ABRAXAS2: variants seen among roughly 807,000 people sequenced by gnomAD.
The protein encoded by ABRAXAS2 is abraxas 2, BRISC complex subunit.
A neutral mutation model predicts 49.0 loss-of-function variants in ABRAXAS2; 23 were observed. The observed-to-expected ratio is 0.47, with a 90% CI of 0.34 to 0.66. The LOEUF (loss-of-function observed/expected upper bound fraction) is 0.66, where lower values mean the gene tolerates loss of function less well. Ranked by LOEUF, ABRAXAS2 falls within the 30% of genes least tolerant of loss-of-function variation. The pLI is 0.01. For missense variants in ABRAXAS2, 443 were observed against 511.9 expected (o/e 0.87, Z 1.30); for synonymous variants, 168 against 180.2 (o/e 0.93, Z 0.54).
chr10:124,824,804 A>G (rs1345522112), intron 4 of ABRAXAS2, among the ~76,000 whole-genome samples: 1 of 152,180 alleles, frequency 6.6e-6, no homozygotes, highest in Non-Finnish European at 1.5e-5. Flanking sequence ...ATTGAATCTT[A>G]GAATGAAATG....
intron 2 of ABRAXAS2, among the ~76,000 whole-genome samples, chr10:124,814,347 C>CT (rs917313029): frequency 1.3e-5 from 2 of 149,066 alleles, no homozygotes; most frequent in Non-Finnish European, 3.0e-5. Context: ...TTTATTTGTA[C>CT]TTTTTTTTGC....
intron 5 of ABRAXAS2, among the ~76,000 whole-genome samples, chr10:124,827,466 A>T (rs1394054386): frequency 6.6e-6 from 1 of 152,026 alleles, no homozygotes; most frequent in Non-Finnish European, 1.5e-5. Context: ...TATTCCCTTT[A>T]GCTCTTTTTG....
rs184952358 is a variant in ABRAXAS2 at position 124,822,514 on chromosome 10, C to T, written c.267+3064C>T. On this transcript the variant is annotated intron_variant, in intron 4 of 8. Transcript: ENST00000298492. ...AAATTGAAAACAAAGATTCTACAGCCGGGCTCGGTGGCTCATGCCTGTAAT... is the reference window on the plus strand; with the variant it reads ...AAATTGAAAACAAAGATTCTACAGCTGGGCTCGGTGGCTCATGCCTGTAAT... Among the ~76,000 whole-genome samples the T allele has an allele frequency of 3.3e-3, 506 of 151,846 alleles. 2 individuals carry two copies. Among genetic ancestry groups the T allele is most frequent in the African/African-American group, 0.011 (476 of 41,444 alleles).
rs370602013 is a variant in ABRAXAS2 at position 124,826,827 on chromosome 10, G to T, written c.458+42G>T. On this transcript the variant is annotated intron_variant, in intron 5 of 8. Transcript: ENST00000298492. ...CATCTGCCTCACATATAAGAAGGAC[G>T]TTGGGACCAGGCGTGGTGGCTTACG... The T allele has an allele frequency of 1.4e-5, 22 of 1,594,510 alleles. 1 individual carries two copies. In the South Asian group the frequency reaches 2.5e-4, roughly 18 times the overall value.
chr10:124,815,630 T>C (rs1424303785), intron 2 of ABRAXAS2, among the ~76,000 whole-genome samples: 2 of 152,188 alleles, frequency 1.3e-5, no homozygotes, highest in Non-Finnish European at 2.9e-5. Context: ...CATGGTCTTA[T>C]AAAGAAACCC....
At chr10:124,811,573 T>C in intron 2 of ABRAXAS2, among the ~76,000 whole-genome samples, 1 of 151,738 alleles carries the variant, frequency 6.6e-6, no homozygotes, top group Non-Finnish European at 1.5e-5. Flanking sequence ...CCGTCTCTAC[T>C]AAAAGATATA....
At chr10:124,814,367 T>A (rs187552737) in intron 2 of ABRAXAS2, among the ~76,000 whole-genome samples, 78 of 151,378 alleles carry the variant, frequency 5.2e-4, no homozygotes, top group Middle Eastern at 6.9e-3. Context: ...CTTTTGTTTT[T>A]GAGACCGAGT....
At chr10:124,808,774 A>C (rs908010157) in intron 2 of ABRAXAS2, among the ~76,000 whole-genome samples, 1 of 152,190 alleles carries the variant, frequency 6.6e-6, no homozygotes, top group Non-Finnish European at 1.5e-5. Flanking sequence ...ACACATAGCG[A>C]ATCTGGCCTG....
Position 124,825,323 on chromosome 10 carries a change from A to AG in ABRAXAS2, c.268-1272_268-1271insG, listed in dbSNP as rs1484110478. 2.0e-5 allele frequency among the ~76,000 whole-genome samples: 3 copies of AG among 151,468 alleles called. No individual in the cohort carries two copies. In the East Asian group the frequency reaches 5.8e-4, roughly 29 times the overall value. ...ACAAAGCAAGACTCTGTCTCAAAAA[A>AG]AAAAAAAAAAAAAAAATTATACCCT... On this transcript the variant is annotated intron_variant, in intron 4 of 8. Transcript: ENST00000298492.
intron 5 of ABRAXAS2, among the ~76,000 whole-genome samples, chr10:124,827,834 A>C (rs926005556): frequency 6.6e-6 from 1 of 151,804 alleles, no homozygotes; most frequent in East Asian, 1.9e-4. Flanking sequence ...CTGGAAGTTT[A>C]TTTGTTGTAG....
At position 124,834,533 on chromosome 10, in the gene ABRAXAS2, G is replaced by A; in HGVS notation, c.810G>A (p.Met270Ile). The part of the protein sequence containing the change: ...RLQQAVLSRQ[M>I]PSESLDPAFS... ...AGCAGGCAGTGTTAAGCAGACAGAT[G>A]CCGTCTGAAAGCTTGGACCCAGCGT... Residue 270 changes from methionine (M) to isoleucine (I), a missense_variant, in exon 9 of 9, where the codon ATG becomes ATA. Physicochemically the swap from Met to Ile is conservative, Grantham distance 10. Around this residue, in one of 3 missense-constraint regions of ABRAXAS2, gnomAD observed 230 missense variants for 237.0 expected, o/e 0.97. Coordinates refer to ENST00000298492, the MANE Select transcript of ABRAXAS2 (RefSeq NM_032182.4). 4 of 1,614,066 alleles carry A rather than the reference G, an allele frequency of 2.5e-6. No homozygotes were observed.
intron 4 of ABRAXAS2, among the ~76,000 whole-genome samples, chr10:124,819,923 A>G (rs1950851130): frequency 6.6e-6 from 1 of 152,222 alleles, no homozygotes; most frequent in African/African-American, 2.4e-5. Flanking sequence ...AAAATAAACC[A>G]AAGTTTTATT....
rs148782093 is a variant in ABRAXAS2 at position 124,825,233 on chromosome 10, G to A, written c.268-1362G>A. 6.7e-3 allele frequency among the ~76,000 whole-genome samples: 997 copies of A among 148,860 alleles called. 12 individuals carry two copies. Among genetic ancestry groups the A allele is most frequent in the African/African-American group, 0.024 (972 of 40,606 alleles). Reference sequence around the variant, plus strand: ...CTCGGGAGGCTGAAGCAGGGGAATCGCTTGAACCCAGGAGGTGGAGGTTGC... The same window carrying A: ...CTCGGGAGGCTGAAGCAGGGGAATCACTTGAACCCAGGAGGTGGAGGTTGC... On this transcript the variant is annotated intron_variant, in intron 4 of 8. Coordinates refer to ENST00000298492, the MANE Select transcript of ABRAXAS2 (RefSeq NM_032182.4).
intron 2 of ABRAXAS2, among the ~76,000 whole-genome samples, chr10:124,815,461 T>C (rs1245673672): frequency 6.6e-6 from 1 of 152,236 alleles, no homozygotes; most frequent in Non-Finnish European, 1.5e-5. Context: ...CCCAAAGTGC[T>C]GGGACTACAG....
chr10:124,809,434 G>T (rs1414947196), intron 2 of ABRAXAS2, among the ~76,000 whole-genome samples: 1 of 149,404 alleles, frequency 6.7e-6, no homozygotes, highest in East Asian at 2.1e-4. Context: ...ACAGGTGCAT[G>T]CCACCATGCC....
intron 2 of ABRAXAS2, among the ~76,000 whole-genome samples, chr10:124,815,295 C>T (rs1950816218): frequency 6.6e-6 from 1 of 151,556 alleles, no homozygotes; most frequent in African/African-American, 2.4e-5. Context: ...CCCGGGTTCA[C>T]GCCATTCTTT....
chr10:124,811,318 AT>A (rs1163933185), intron 2 of ABRAXAS2, among the ~76,000 whole-genome samples: 1 of 152,210 alleles, frequency 6.6e-6, no homozygotes, highest in Admixed American at 6.5e-5. Flanking sequence ...AATCTGGAAG[AT>A]GAAGGTTAAA....
intron 2 of ABRAXAS2, among the ~76,000 whole-genome samples, chr10:124,808,079 G>A (rs572864748): frequency 1.2e-4 from 19 of 152,270 alleles, no homozygotes; most frequent in South Asian, 2.1e-4. Context: ...GATAAATAGA[G>A]GTCATAGTCC....
chr10:124,834,426 G>A (rs896978773), intron 8 of ABRAXAS2, 76 bp from the exon 9 acceptor site: 2 of 1,264,170 alleles, frequency 1.6e-6, no homozygotes, highest in Non-Finnish European at 1.1e-6. Context: ...GAACATTCAG[G>A]TTGGCCGTGT....
Sources: gnomAD v4.1 joint callset for allele counts (sites outside exome capture counted in the v4.1 genomes callset) on GRCh38, gnomAD v4.1.1 for gene constraint, gnomAD v4.1.1 regional missense constraint, MANE v1.5 for transcripts, NCBI Gene and HGNC (gene_info 2026-07-23, HGNC 2026-07-21) for gene names.